Variants in EPB41L4A observed in about 807,000 individuals in gnomAD.
The protein encoded by EPB41L4A is band 4.1-like protein 4A.
Under a neutral mutation model 108.6 loss-of-function variants are expected in EPB41L4A, and 100 were observed. That is an observed-to-expected ratio of 0.92 (90% CI 0.78 to 1.09). The LOEUF is 1.09. Among genes scored for constraint, EPB41L4A ranks in the 50% least tolerant of loss-of-function variants. The pLI, the probability that EPB41L4A is intolerant of heterozygous loss-of-function variation, is 0.00. For missense variants in EPB41L4A, 1,030 were observed against 842.7 expected (o/e 1.22, Z -2.75); for synonymous variants, 319 against 289.0 (o/e 1.10, Z -1.05).
intron 18 of EPB41L4A, among the ~76,000 whole-genome samples, chr5:112,183,087 A>AC (rs1561456018): frequency 1.3e-5 from 2 of 152,110 alleles, no homozygotes; most frequent in Admixed American, 6.5e-5. Context: ...GTCCCACAGT[A>AC]AAAAGAGTCC....
At chr5:112,334,071 C>A (rs893789815) in intron 1 of EPB41L4A, among the ~76,000 whole-genome samples, 6 of 152,078 alleles carry the variant, frequency 3.9e-5, no homozygotes, top group African/African-American at 1.4e-4. Flanking sequence ...GTCAGATGTG[C>A]CTTATTATAC....
Position 112,397,170 on chromosome 5 carries a change from T to C in EPB41L4A, c.99+21771A>G, listed in dbSNP as rs202022191. On this transcript the variant is annotated intron_variant, in intron 1 of 22. Transcript: ENST00000261486. ...GTACCCATTGTTTAGCTCCCACTTATAAGTGAGAAAATGAAGTATTTGGTT... is the reference window on the plus strand; with the variant it reads ...GTACCCATTGTTTAGCTCCCACTTACAAGTGAGAAAATGAAGTATTTGGTT... 2.6e-5 allele frequency among the ~76,000 whole-genome samples: 4 copies of C among 152,202 alleles called. No homozygotes were observed. In the South Asian group the frequency reaches 8.3e-4, roughly 31 times the overall value.
intron 22 of EPB41L4A, among the ~76,000 whole-genome samples, chr5:112,168,317 G>C (rs1352352082): frequency 1.3e-5 from 2 of 152,172 alleles, no homozygotes; most frequent in African/African-American, 2.4e-5. Flanking sequence ...AATTGTGATG[G>C]AGAAGACAGA....
intron 1 of EPB41L4A, among the ~76,000 whole-genome samples, chr5:112,352,075 T>TA (rs1037769940): frequency 8.6e-5 from 13 of 152,000 alleles, no homozygotes; most frequent in African/African-American, 4.8e-5. Context: ...GCTATCTTTT[T>TA]AAAAAAAACA....
At position 112,402,881 on chromosome 5, in the gene EPB41L4A, T is replaced by C. The variant is rs537814079; in HGVS notation, c.99+16060A>G. Among the ~76,000 whole-genome samples, 3 of 152,282 alleles carry C rather than the reference T, an allele frequency of 2.0e-5. No homozygotes were observed. The South Asian group carries it at 6.2e-4, about 32-fold the overall frequency. On this transcript the variant is annotated intron_variant, in intron 1 of 22. Coordinates refer to ENST00000261486, the MANE Select transcript of EPB41L4A (RefSeq NM_022140.5). ...AATATTGCTCATCTTTTGAGAACAA[T>C]ATTTAAAAGGAAGATTAAGCCTTCC...
intron 1 of EPB41L4A, among the ~76,000 whole-genome samples, chr5:112,406,571 A>G (rs1255462629): frequency 2.6e-5 from 4 of 152,094 alleles, no homozygotes; most frequent in Non-Finnish European, 4.4e-5. Flanking sequence ...AGTTCTACAA[A>G]TCCAAATGCT....
Position 112,162,931 on chromosome 5 carries a change from C to T in EPB41L4A, c.*2059G>A, listed in dbSNP as rs1211539621. The T allele has an allele frequency of 6.6e-6, 1 of 152,226 alleles. No homozygotes were observed. The highest frequency in any genetic ancestry group is 1.5e-5 in the Non-Finnish European group (1 of 68,050). The allele number at this position is 152,226 out of a possible 1,614,324, so 9.4% of individuals were successfully genotyped here. A position where few individuals can be genotyped will look rare whatever the true frequency, so the allele number is the denominator to read the frequency against. Reference sequence around the variant, plus strand: ...TGAGACAGTTTTGGCTGCTTTCCCTCTTCAGTGCCCTGTTTTAGAACTGAG... The same window carrying T: ...TGAGACAGTTTTGGCTGCTTTCCCTTTTCAGTGCCCTGTTTTAGAACTGAG... On this transcript the variant is annotated 3_prime_UTR_variant, in exon 23 of 23. Transcript: ENST00000261486.
chr5:112,209,909 T>C lies in EPB41L4A; in HGVS notation c.1161A>G (p.Ala387=), dbSNP rs753213549. Reference sequence around the variant, plus strand: ...TCACTGACCTTTTTACTGGTGAAGGTGCAATAATTTTAATTGTTCCTTCAT... The same window carrying C: ...TCACTGACCTTTTTACTGGTGAAGGCGCAATAATTTTAATTGTTCCTTCAT... ...GENEGTIKII[A]PSPVKSFKKA... The change falls in exon 13 of 23, where the codon GCA becomes GCG. Residue 387 remains alanine (A), a synonymous_variant. Transcript: ENST00000261486. 1 of 1,601,320 alleles carries C rather than the reference T, an allele frequency of 6.2e-7. No homozygotes were observed. Among genetic ancestry groups the C allele is most frequent in the Non-Finnish European group, 8.5e-7 (1 of 1,170,156 alleles).
chr5:112,175,910 T>C (rs1443635881), intron 18 of EPB41L4A, among the ~76,000 whole-genome samples: 1 of 152,036 alleles, frequency 6.6e-6, no homozygotes, highest in African/African-American at 2.4e-5. Context: ...GGACTACACA[T>C]ACAAGCCACC....
intron 11 of EPB41L4A, among the ~76,000 whole-genome samples, chr5:112,235,881 G>A (rs921562462): frequency 1.3e-5 from 2 of 152,146 alleles, no homozygotes; most frequent in Non-Finnish European, 2.9e-5. Context: ...GGGGAGAGGA[G>A]CAAACTGACA....
chr5:112,382,361 A>G (rs10077774), intron 1 of EPB41L4A, among the ~76,000 whole-genome samples: 5,731 of 152,268 alleles, frequency 0.038, 335 homozygotes, highest in African/African-American at 0.12. Context: ...CTAGGAGCAA[A>G]CCTGCTGTTA....
chr5:112,262,143 C>G (rs761608318), intron 7 of EPB41L4A, among the ~76,000 whole-genome samples: 1 of 152,176 alleles, frequency 6.6e-6, no homozygotes, highest in Non-Finnish European at 1.5e-5. Flanking sequence ...CCACCCACCT[C>G]TGCCTCCCCA....
intron 1 of EPB41L4A, among the ~76,000 whole-genome samples, chr5:112,413,710 C>T (rs1022268898): frequency 6.6e-6 from 1 of 152,126 alleles, no homozygotes; most frequent in Non-Finnish European, 1.5e-5. Context: ...AGGATGCTTC[C>T]GATAAGTATG....
chr5:112,211,599 A>C (rs1352685042), intron 12 of EPB41L4A, among the ~76,000 whole-genome samples: 1 of 151,888 alleles, frequency 6.6e-6, no homozygotes, highest in Non-Finnish European at 1.5e-5. Context: ...AAAAAAAAAA[A>C]AAAACCCACA....
intron 1 of EPB41L4A, among the ~76,000 whole-genome samples, chr5:112,339,034 G>GC (rs369460877): frequency 6.1e-4 from 3 of 4,880 alleles, no homozygotes; most frequent in Non-Finnish European, 2.4e-3. Flanking sequence ...GTGACAGGGT[G>GC]GGGGAGAATG....
intron 9 of EPB41L4A, among the ~76,000 whole-genome samples, chr5:112,243,286 TA>T (rs1337531676): frequency 2.8e-4 from 37 of 130,592 alleles, no homozygotes; most frequent in African/African-American, 5.6e-4. Context: ...TATATATATA[TA>T]TATATTTTGT....
At chr5:112,350,508 T>C (rs993368852) in intron 1 of EPB41L4A, among the ~76,000 whole-genome samples, 1 of 152,210 alleles carries the variant, frequency 6.6e-6, no homozygotes, top group Non-Finnish European at 1.5e-5. Context: ...TCTAGCTATT[T>C]TGAAATATAC....
chr5:112,144,382 C>T (rs1759173217), intron 13 of EPB41L4A, among the ~76,000 whole-genome samples: 1 of 152,118 alleles, frequency 6.6e-6, no homozygotes, highest in African/African-American at 2.4e-5. Flanking sequence ...CCTCCCAGGG[C>T]TTAGATGATC....
chr5:112,235,573 T>A (rs1329577783), intron 11 of EPB41L4A, among the ~76,000 whole-genome samples: 1 of 152,210 alleles, frequency 6.6e-6, no homozygotes, highest in Admixed American at 6.5e-5. Context: ...GAAAAAAGTC[T>A]TTTAATGGCC....
Sources: gnomAD v4.1 joint callset for allele counts (sites outside exome capture counted in the v4.1 genomes callset) on GRCh38, gnomAD v4.1.1 for gene constraint, MANE v1.5 for transcripts, NCBI Gene and HGNC (gene_info 2026-07-23, HGNC 2026-07-21) for gene names.